SMIM35: variants seen among roughly 807,000 people sequenced by gnomAD.
The protein encoded by SMIM35 is small integral membrane protein 35.
chr11:118,056,736 G>T (rs1793621218), intron 1 of SMIM35, among the ~76,000 whole-genome samples: 1 of 152,222 alleles, frequency 6.6e-6, no homozygotes, highest in African/African-American at 2.4e-5. Flanking sequence ...AGAAGATCCA[G>T]ACAGGGAAGG....
At chr11:118,077,319 C>A in intron 1 of SMIM35, 1 of 1,596,746 alleles carries the variant, frequency 6.3e-7, no homozygotes, top group Non-Finnish European at 8.5e-7. Context: ...AGTGTGGGGC[C>A]CTCTGCTCCC....
rs77390077 is a variant in SMIM35, at chr11:118,076,708, G to A, written c.7+10043C>T. 2.5e-3 allele frequency among the ~76,000 whole-genome samples: 387 copies of A among 152,186 alleles called. 1 individual carries two copies. Among genetic ancestry groups the A allele is most frequent in the African/African-American group, 8.7e-3 (362 of 41,516 alleles). On this transcript the variant is annotated intron_variant, in intron 1 of 4. Transcript: ENST00000689828. ...TTTCCAATCCTATTGCTCCACACCT[G>A]GCAATGATCTCTTTGTACTGAGCTG...
At chr11:118,021,339 A>G (rs926101759) in intron 1 of SMIM35, among the ~76,000 whole-genome samples, 21 of 152,044 alleles carry the variant, frequency 1.4e-4, no homozygotes, top group Admixed American at 2.6e-4. Context: ...TTCTGGGCCT[A>G]TCTTCTAGCT....
intron 1 of SMIM35, among the ~76,000 whole-genome samples, chr11:118,023,875 A>G (rs2058252407): frequency 6.6e-6 from 1 of 152,110 alleles, no homozygotes; most frequent in South Asian, 2.1e-4. Flanking sequence ...TCTACCAAAA[A>G]TATAAAAAAA....
chr11:118,034,704 AAAAC>A lies in SMIM35; in HGVS notation c.8-18899_8-18896del, dbSNP rs1171408325. Reference sequence around the variant, plus strand: ...GGGTGACAGAGCGAGATCCTGTCTCAAAACAAACAAACAGGCTCAGTGTCCACAA... The same window carrying A: ...GGGTGACAGAGCGAGATCCTGTCTCAAAACAAACAGGCTCAGTGTCCACAA... On this transcript the variant is annotated intron_variant, in intron 1 of 4. Coordinates refer to ENST00000689828, the MANE Select transcript of SMIM35 (RefSeq NM_001394165.1). 9.9e-5 allele frequency among the ~76,000 whole-genome samples: 15 copies of A among 152,274 alleles called. No homozygotes were observed. In the South Asian group the frequency reaches 2.3e-3, roughly 23 times the overall value.
chr11:118,053,140 C>G (rs762975068), intron 1 of SMIM35, among the ~76,000 whole-genome samples: 2 of 152,136 alleles, frequency 1.3e-5, no homozygotes, highest in Non-Finnish European at 2.9e-5. Context: ...ACCCCCATCT[C>G]GACTAAAAAT....
chr11:118,070,958 T>G (rs996316070), intron 1 of SMIM35, among the ~76,000 whole-genome samples: 4 of 152,216 alleles, frequency 2.6e-5, no homozygotes, highest in African/African-American at 9.7e-5. Context: ...CAACCCTGCC[T>G]GAGCCTCAGT....
chr11:118,017,813 C>A (rs1196371191), intron 1 of SMIM35, among the ~76,000 whole-genome samples: 1 of 152,182 alleles, frequency 6.6e-6, no homozygotes, highest in East Asian at 1.9e-4. Context: ...TCCTTCTTCA[C>A]ATGACGGCAG....
At chr11:118,019,570 G>A (rs1452794759) in intron 1 of SMIM35, among the ~76,000 whole-genome samples, 1 of 152,178 alleles carries the variant, frequency 6.6e-6, no homozygotes, top group Non-Finnish European at 1.5e-5. Flanking sequence ...TGCCTCTTAA[G>A]TTTGCCTATA....
intron 4 of SMIM35, among the ~76,000 whole-genome samples, chr11:118,011,507 C>T (rs180991463): frequency 6.6e-6 from 1 of 152,126 alleles, no homozygotes; most frequent in African/African-American, 2.4e-5. Flanking sequence ...GCCTGGCCAA[C>T]ATAGTGAAAC....
At chr11:118,026,594 A>G (rs1033147312) in intron 1 of SMIM35, among the ~76,000 whole-genome samples, 2 of 152,154 alleles carry the variant, frequency 1.3e-5, no homozygotes, top group Non-Finnish European at 2.9e-5. Flanking sequence ...AATAATTGGG[A>G]CATCAGATGG....
intron 1 of SMIM35, among the ~76,000 whole-genome samples, chr11:118,084,597 C>T (rs1945399044): frequency 6.6e-6 from 1 of 152,228 alleles, no homozygotes; most frequent in African/African-American, 2.4e-5. Flanking sequence ...CTCAACCCTG[C>T]CCCTGTACAG....
intron 1 of SMIM35, among the ~76,000 whole-genome samples, chr11:118,053,717 T>C (rs1000065514): frequency 1.3e-5 from 2 of 152,214 alleles, no homozygotes; most frequent in African/African-American, 4.8e-5. Context: ...GCTCAAGTCC[T>C]ACCATTTATG....
chr11:118,023,750 A>C (rs1292184189), intron 1 of SMIM35, among the ~76,000 whole-genome samples: 1 of 151,994 alleles, frequency 6.6e-6, no homozygotes, highest in Admixed American at 6.6e-5. Flanking sequence ...ACAAATGAAA[A>C]AGCTGGGCGT....
chr11:118,070,457 G>A (rs1347100038), intron 1 of SMIM35, among the ~76,000 whole-genome samples: 1 of 152,162 alleles, frequency 6.6e-6, no homozygotes, highest in Non-Finnish European at 1.5e-5. Context: ...GATTACAGCC[G>A]TGAGCCACCG....
intron 1 of SMIM35, among the ~76,000 whole-genome samples, chr11:118,078,714 G>C (rs913313903): frequency 1.6e-4 from 24 of 152,268 alleles, no homozygotes; most frequent in Middle Eastern, 3.4e-3. Context: ...GGGAGCAACA[G>C]AGAAGGGAAT....
chr11:118,056,406 G>A (rs1433284533), intron 1 of SMIM35, among the ~76,000 whole-genome samples: 1 of 152,116 alleles, frequency 6.6e-6, no homozygotes, highest in Non-Finnish European at 1.5e-5. Flanking sequence ...GTGACTCCTG[G>A]GTGTTGATTA....
rs749970846 is a variant in SMIM35 at position 118,057,000 on chromosome 11, G to T, written c.7+29751C>A. On this transcript the variant is annotated intron_variant, in intron 1 of 4. Transcript: ENST00000689828. ...TTCCATGAGAACTGGAGGTGACAAA[G>T]GTTGGCCGCTCACTCCCCAAGCTGA... 3.9e-5 allele frequency among the ~76,000 whole-genome samples: 6 copies of T among 152,186 alleles called. No individual in the cohort carries two copies. The South Asian group carries it at 1.0e-3, about 26-fold the overall frequency.
chr11:118,051,876 C>CTATACTAATAG (rs1944221834), intron 1 of SMIM35, among the ~76,000 whole-genome samples: 1 of 152,100 alleles, frequency 6.6e-6, no homozygotes, highest in African/African-American at 2.4e-5. Context: ...TATACTAATA[C>CTATACTAATAG]TAATACTCTT....
Sources: allele counts gnomAD v4.1 joint callset (sites outside exome capture counted in the v4.1 genomes callset), GRCh38; gene constraint gnomAD v4.1.1; transcripts MANE v1.5; gene names NCBI Gene and HGNC (gene_info 2026-07-23, HGNC 2026-07-21).